Variants in UBE2L3 observed in about 807,000 individuals in gnomAD.
UBE2L3 encodes the protein ubiquitin-conjugating enzyme E2 L3.
In UBE2L3, 1 loss-of-function variant was observed where a neutral mutation model predicts 17.8. The ratio of observed to expected loss-of-function variants is 0.06; its 90% CI spans 0.02 to 0.27. The LOEUF (loss-of-function observed/expected upper bound fraction) is 0.27, where lower values mean the gene tolerates loss of function less well. UBE2L3 is among the 10% of genes least tolerant of loss of function. UBE2L3 has a pLI of 1.00. For missense variants in UBE2L3, 40 were observed against 192.6 expected (o/e 0.21, Z 4.69); for synonymous variants, 44 against 68.5 (o/e 0.64, Z 1.76).
intron 1 of UBE2L3, among the ~76,000 whole-genome samples, chr22:21,575,170 A>G (rs895077258): frequency 3.3e-5 from 5 of 150,502 alleles, no homozygotes; most frequent in African/African-American, 1.2e-4. Flanking sequence ...GAGGCAGGAG[A>G]ATTGCTTGAA....
chr22:21,556,408 A>G (rs1244706900), intron 1 of UBE2L3, among the ~76,000 whole-genome samples: 1 of 152,260 alleles, frequency 6.6e-6, no homozygotes, highest in Admixed American at 6.5e-5. Context: ...AAAAAGTAAA[A>G]TAAAATAAAT....
At chr22:21,582,866 C>T (rs534596849) in intron 1 of UBE2L3, among the ~76,000 whole-genome samples, 8 of 152,264 alleles carry the variant, frequency 5.3e-5, no homozygotes, top group African/African-American at 1.9e-4. Context: ...TTGCACATCA[C>T]AGTCATCTGG....
intron 1 of UBE2L3, among the ~76,000 whole-genome samples, chr22:21,579,128 C>A (rs1927487189): frequency 6.6e-6 from 1 of 151,876 alleles, no homozygotes; most frequent in Non-Finnish European, 1.5e-5. Flanking sequence ...GTAGCTGGGA[C>A]TACAGGTGCC....
chr22:21,572,759 A>G (rs1054886359), intron 1 of UBE2L3, among the ~76,000 whole-genome samples: 1 of 152,066 alleles, frequency 6.6e-6, no homozygotes, highest in African/African-American at 2.4e-5. Context: ...AACGGCACAT[A>G]GATCTGTAGG....
chr22:21,581,095 C>G (rs1450574459), intron 1 of UBE2L3, among the ~76,000 whole-genome samples: 1 of 145,460 alleles, frequency 6.9e-6, no homozygotes, highest in Non-Finnish European at 1.5e-5. Context: ...CACCCTGTTG[C>G]CCAGGCTGGA....
At chr22:21,593,643 A>G (rs1283485348) in intron 2 of UBE2L3, among the ~76,000 whole-genome samples, 1 of 152,050 alleles carries the variant, frequency 6.6e-6, no homozygotes, top group African/African-American at 2.4e-5. Context: ...GGCTTGTCTT[A>G]TAATTAACTC....
At chr22:21,567,854 G>A in intron 1 of UBE2L3, 83 bp downstream of exon 1, 2 of 1,550,000 alleles carry the variant, frequency 1.3e-6, no homozygotes, top group Non-Finnish European at 1.7e-6. Flanking sequence ...GGCTTCTCAG[G>A]GCGCTGCCGT....
intron 2 of UBE2L3, among the ~76,000 whole-genome samples, chr22:21,604,351 T>C (rs1039654166): frequency 6.6e-6 from 1 of 151,956 alleles, no homozygotes; most frequent in Non-Finnish European, 1.5e-5. Flanking sequence ...TACAAAAAAT[T>C]AGCCGGACGT....
At chr22:21,608,358 A>G (rs1601435139) in intron 2 of UBE2L3, among the ~76,000 whole-genome samples, 1 of 152,192 alleles carries the variant, frequency 6.6e-6, no homozygotes, top group South Asian at 2.1e-4. Context: ...TAAGAAGTCC[A>G]CCCTTCTTAG....
At chr22:21,602,159 A>G (rs1436214986) in intron 2 of UBE2L3, among the ~76,000 whole-genome samples, 1 of 152,172 alleles carries the variant, frequency 6.6e-6, no homozygotes, top group East Asian at 1.9e-4. Context: ...GGTTAGCCAC[A>G]GGGAAAGGAT....
At chr22:21,572,483 C>T (rs918648058) in intron 1 of UBE2L3, among the ~76,000 whole-genome samples, 1 of 150,220 alleles carries the variant, frequency 6.7e-6, no homozygotes, top group African/African-American at 2.5e-5. Flanking sequence ...GGTACTGGGG[C>T]CTTTTCTGAT....
Position 21,582,091 on chromosome 22 carries a change from G to A in UBE2L3, c.28-10770G>A, listed in dbSNP as rs371898954. Among the ~76,000 whole-genome samples the A allele has an allele frequency of 4.8e-3, 725 of 150,456 alleles. 10 individuals are homozygous for A. The highest frequency in any genetic ancestry group is 0.017 in the African/African-American group (698 of 41,026). ...GCCAAGATCGCACCACTGCACTCCA[G>A]TCTGGGTGACAGAGTGAGACTTCAT... On this transcript the variant is annotated intron_variant, in intron 1 of 3. Transcript: ENST00000342192.
At chr22:21,568,219 C>G in intron 1 of UBE2L3, 1 of 989,782 alleles carries the variant, frequency 1.0e-6, no homozygotes, top group Non-Finnish European at 1.2e-6. Context: ...CTTGCAGCTC[C>G]GCTTGGCCCG....
chr22:21,586,936 A>G (rs1927975099), intron 1 of UBE2L3, among the ~76,000 whole-genome samples: 1 of 133,430 alleles, frequency 7.5e-6, no homozygotes, highest in Non-Finnish European at 1.5e-5. Context: ...CTGGAGTTGG[A>G]GTACAATGGT....
chr22:21,621,954 C>A lies in UBE2L3; in HGVS notation c.*285C>A. 4 of 329,054 alleles carry A rather than the reference C, an allele frequency of 1.2e-5. No individual in the cohort carries two copies. Among genetic ancestry groups the A allele is most frequent in the Middle Eastern group, 9.1e-4 (1 of 1,102 alleles). 20.4% of individuals were successfully genotyped at this position (329,054 alleles called of 1,614,324 possible). On this transcript the variant is annotated 3_prime_UTR_variant, in exon 4 of 4. Transcript: ENST00000342192. ...GTTTCTTTTCTTGTCCAATTTTATC[C>A]AAAATCTTCAAGTTACATTTAACCC...
At chr22:21,558,935 G>A (rs1272223233) in intron 1 of UBE2L3, among the ~76,000 whole-genome samples, 1 of 151,908 alleles carries the variant, frequency 6.6e-6, no homozygotes, top group African/African-American at 2.4e-5. Context: ...TGTGGCTGCT[G>A]TCCTTAGGGA....
chr22:21,558,609 G>A (rs1313767992), intron 1 of UBE2L3, among the ~76,000 whole-genome samples: 26 of 132,362 alleles, frequency 2.0e-4, no homozygotes, highest in Non-Finnish European at 2.5e-4. Flanking sequence ...CCAGCCTGGC[G>A]ACAAAGTGAG....
intron 1 of UBE2L3, among the ~76,000 whole-genome samples, chr22:21,562,373 T>C (rs989644843): frequency 6.9e-6 from 1 of 145,464 alleles, no homozygotes; most frequent in Non-Finnish European, 1.5e-5. Context: ...TTTTTCTTTT[T>C]TTCTTTTTTT....
chr22:21,598,876 T>C (rs139179524), intron 2 of UBE2L3, among the ~76,000 whole-genome samples: 394 of 151,686 alleles, frequency 2.6e-3, no homozygotes, highest in Admixed American at 4.9e-3. Flanking sequence ...AGAGTCACTC[T>C]GTCTCCCAGG....
Sources: gnomAD v4.1 joint callset for allele counts (sites outside exome capture counted in the v4.1 genomes callset) on GRCh38, gnomAD v4.1.1 for gene constraint, MANE v1.5 for transcripts, NCBI Gene and HGNC (gene_info 2026-07-23, HGNC 2026-07-21) for gene names.